The following NBAS variants were observed in gnomAD, a reference collection of about 807,000 sequenced individuals.
NBAS encodes NAG/BC035112 fusion.
NBAS carries 219 observed loss-of-function variants against 302.5 expected under a neutral mutation model. That is an observed-to-expected ratio of 0.72 (90% confidence interval 0.65 to 0.81). The LOEUF (loss-of-function observed/expected upper bound fraction) is 0.81. Among genes scored for constraint, NBAS ranks in the 30% least tolerant of loss-of-function variants. NBAS has a pLI of 0.00. For synonymous variants in NBAS, 1,118 were observed against 1,021.6 expected (o/e 1.09, Z -1.80); for missense variants, 2,932 against 2,841.6 (o/e 1.03, Z -0.72).
chr2:14,892,119 A>G, the NBAS span, among the ~76,000 whole-genome samples: 1 of 152,216 alleles, frequency 6.6e-6, no homozygotes, highest in Non-Finnish European at 1.5e-5. Flanking sequence ...GAGACACCCA[A>G]TCTAAATATT....
At chr2:15,121,135 C>T in the NBAS span, among the ~76,000 whole-genome samples, 2 of 152,164 alleles carry the variant, frequency 1.3e-5, no homozygotes, top group African/African-American at 4.8e-5. Context: ...CATATGTCTA[C>T]CAATATGAGA....
At chr2:15,512,812 CAG>C (rs1491137002) in intron 9 of NBAS, among the ~76,000 whole-genome samples, 2 of 152,182 alleles carry the variant, frequency 1.3e-5, no homozygotes, top group Admixed American at 1.3e-4. Flanking sequence ...AGACCCATTT[CAG>C]ACTTCTGAGC....
chr2:14,918,173 G>A, the NBAS span, among the ~76,000 whole-genome samples: 4 of 152,014 alleles, frequency 2.6e-5, no homozygotes, highest in African/African-American at 7.3e-5. Context: ...CAATACAACC[G>A]CCACTTGCAT....
At chr2:15,070,449 G>C in the NBAS span, among the ~76,000 whole-genome samples, 1 of 152,110 alleles carries the variant, frequency 6.6e-6, no homozygotes, top group Admixed American at 6.5e-5. Context: ...AGTAACTGGG[G>C]TGTTGTTGGC....
rs148561444 is a variant in NBAS, at chr2:15,297,500, C to T, written c.4798-4734G>A. ...TCTCGTGATGGAGTTCTCATGACAT[C>T]TGGTTGTTTAAAAGTGTGTGGCACT... On this transcript the variant is annotated intron_variant, in intron 40 of 51. Coordinates refer to ENST00000281513, the MANE Select transcript of NBAS (RefSeq NM_015909.4). Among the ~76,000 whole-genome samples the T allele has an allele frequency of 3.3e-5, 5 of 152,294 alleles. No homozygotes were observed. In the East Asian group the frequency reaches 5.8e-4, roughly 18 times the overall value.
the NBAS span, among the ~76,000 whole-genome samples, chr2:14,810,870 T>A: frequency 6.6e-6 from 1 of 151,582 alleles, no homozygotes; most frequent in South Asian, 2.1e-4. Context: ...ATTCTGACTT[T>A]AAAAAAAAAT....
At chr2:15,333,868 G>A (rs1179282786) in intron 35 of NBAS, among the ~76,000 whole-genome samples, 3 of 149,914 alleles carry the variant, frequency 2.0e-5, no homozygotes, top group Admixed American at 6.6e-5. Flanking sequence ...GAAGAGCCGC[G>A]CAAGTTGTTG....
At chr2:15,178,965 A>G in intron 51 of NBAS, 23 bp downstream of exon 51, 1 of 1,612,670 alleles carries the variant, frequency 6.2e-7, no homozygotes, top group Non-Finnish European at 8.5e-7. Flanking sequence ...AAAAAGAAAG[A>G]AAGTAAATTC....
At chr2:14,950,705 G>A in the NBAS span, among the ~76,000 whole-genome samples, 2 of 152,152 alleles carry the variant, frequency 1.3e-5, no homozygotes, top group Non-Finnish European at 2.9e-5. Flanking sequence ...AAACAGCCAG[G>A]GTGCACCAAG....
In NBAS at chr2:15,460,318, T is replaced by TG. The variant is rs139195390; in HGVS notation, c.2339+882_2339+883insC. Among the ~76,000 whole-genome samples, 930 of 152,306 alleles carry TG rather than the reference T, an allele frequency of 6.1e-3. 11 individuals are homozygous for TG. The highest frequency in any genetic ancestry group is 0.02 in the African/African-American group (832 of 41,568). ...CAAAGTGAGTAAGCAAGACAGGGAC[T>TG]TCAACCCATTTTAAAGATAAGTAAC... is the stretch of plus-strand genomic sequence containing the variant. On this transcript the variant is annotated intron_variant, in intron 21 of 51. Transcript: ENST00000281513.
chr2:14,941,323 C>T, the NBAS span, among the ~76,000 whole-genome samples: 1 of 152,182 alleles, frequency 6.6e-6, no homozygotes, highest in African/African-American at 2.4e-5. Flanking sequence ...CCACCCAGAG[C>T]AATGCTGGGA....
chr2:15,122,501 C>T, the NBAS span, among the ~76,000 whole-genome samples: 1 of 152,160 alleles, frequency 6.6e-6, no homozygotes, highest in Non-Finnish European at 1.5e-5. Flanking sequence ...AGGGATCTGT[C>T]CCCCATGATC....
At chr2:15,149,065 T>A in the NBAS span, among the ~76,000 whole-genome samples, 4 of 152,232 alleles carry the variant, frequency 2.6e-5, no homozygotes, top group Non-Finnish European at 4.4e-5. Flanking sequence ...GTGGTTGGAA[T>A]GTGTCCCCCA....
the NBAS span, among the ~76,000 whole-genome samples, chr2:15,062,597 T>C: frequency 8.5e-5 from 13 of 152,212 alleles, no homozygotes; most frequent in Non-Finnish European, 1.6e-4. Flanking sequence ...ATTAGAGCAA[T>C]TAATGGAAAT....
At chr2:14,872,682 G>A in the NBAS span, among the ~76,000 whole-genome samples, 3 of 152,184 alleles carry the variant, frequency 2.0e-5, no homozygotes, top group East Asian at 3.9e-4. Flanking sequence ...TCATTCCTCC[G>A]GGTGAGTTCG....
intron 30 of NBAS, among the ~76,000 whole-genome samples, chr2:15,378,192 C>A (rs570046064): frequency 6.6e-6 from 1 of 151,776 alleles, no homozygotes; most frequent in Non-Finnish European, 1.5e-5. Context: ...TGCCTTGAGG[C>A]GGAAAAAATA....
At chr2:15,187,576 C>T (rs1038020380) in intron 49 of NBAS, among the ~76,000 whole-genome samples, 2 of 152,000 alleles carry the variant, frequency 1.3e-5, no homozygotes, top group South Asian at 2.1e-4. Flanking sequence ...AAAAGTTTGC[C>T]GTTTCTTTCC....
the NBAS span, among the ~76,000 whole-genome samples, chr2:14,940,833 A>T: frequency 4.6e-5 from 7 of 152,208 alleles, no homozygotes; most frequent in Admixed American, 1.3e-4. Flanking sequence ...CCTCTTTCAT[A>T]CACATATCTC....
At position 15,171,160 on chromosome 2, in the gene NBAS, G is replaced by C. The variant is rs140676649; in HGVS notation, c.6841-3837C>G. On this transcript the variant is annotated intron_variant, in intron 51 of 51. Transcript: ENST00000281513. ...AGATAAAAATAAAAAAGTGGAAATA[G>C]TTGGAAAAAAACATGCCACCTTCTT... Among the ~76,000 whole-genome samples the C allele has an allele frequency of 4.6e-5, 7 of 152,254 alleles. No individual in the cohort carries two copies. In the East Asian group the frequency reaches 1.4e-3, roughly 29 times the overall value.
Sources: gnomAD v4.1 joint callset for allele counts (sites outside exome capture counted in the v4.1 genomes callset) on GRCh38, gnomAD v4.1.1 for gene constraint, MANE v1.5 for transcripts, NCBI Gene and HGNC (gene_info 2026-07-23, HGNC 2026-07-21) for gene names.